The following BBS9 variants were observed in gnomAD, a reference collection of about 807,000 sequenced individuals.
BBS9 encodes Bardet-Biedl syndrome 9, also known as protein PTHB1.
BBS9 carries 89 observed loss-of-function variants against 117.7 expected under a neutral mutation model. The observed-to-expected ratio is 0.76, with a 90% CI of 0.64 to 0.90. The LOEUF (loss-of-function observed/expected upper bound fraction) is 0.90. BBS9 is among the 40% of genes least tolerant of loss of function. The pLI is 0.00. For missense variants in BBS9, 982 were observed against 1,042.2 expected (o/e 0.94, Z 0.80); for synonymous variants, 379 against 370.9 (o/e 1.02, Z -0.25).
chr7:33,314,288 C>T (rs138745841), intron 9 of BBS9: 9 of 420,182 alleles, frequency 2.1e-5, no homozygotes, highest in African/African-American at 1.5e-4. Flanking sequence ...TTTGTTGCCT[C>T]GATCTTCCAC....
intron 21 of BBS9, among the ~76,000 whole-genome samples, chr7:33,614,993 G>C (rs1283438607): frequency 1.3e-5 from 2 of 152,028 alleles, no homozygotes; most frequent in Non-Finnish European, 2.9e-5. Context: ...AGTCAATCCT[G>C]TTTCACTGAA....
At chr7:33,229,694 A>T (rs1263456602) in intron 5 of BBS9, among the ~76,000 whole-genome samples, 1 of 152,104 alleles carries the variant, frequency 6.6e-6, no homozygotes, top group African/African-American at 2.4e-5. Context: ...TATCATGGCT[A>T]TTGTGAATAA....
chr7:33,568,735 A>C lies in BBS9; in HGVS notation c.2521+34559A>C, dbSNP rs1470891435. On this transcript the variant is annotated intron_variant, in intron 21 of 22. Coordinates refer to ENST00000242067, the MANE Select transcript of BBS9 (RefSeq NM_198428.3). Reference sequence around the variant, plus strand: ...CATGTTGAACAGTATATACTGCTAAATGAAAAAGGGAAATACAGAATGGTG... The same window carrying C: ...CATGTTGAACAGTATATACTGCTAACTGAAAAAGGGAAATACAGAATGGTG... Among the ~76,000 whole-genome samples the C allele has an allele frequency of 1.3e-5, 2 of 152,232 alleles. 1 individual carries two copies. Among genetic ancestry groups the C allele is most frequent in the East Asian group, 3.9e-4 (2 of 5,192 alleles).
At chr7:33,184,636 G>A (rs1798566286) in intron 5 of BBS9, among the ~76,000 whole-genome samples, 2 of 152,110 alleles carry the variant, frequency 1.3e-5, no homozygotes, top group South Asian at 4.1e-4. Flanking sequence ...CTTAACCATA[G>A]TCGGCCAATG....
At chr7:33,172,102 C>A (rs573954622) in intron 4 of BBS9, among the ~76,000 whole-genome samples, 1 of 151,990 alleles carries the variant, frequency 6.6e-6, no homozygotes, top group Non-Finnish European at 1.5e-5. Context: ...GCCTCTAGGC[C>A]GGGTGTGGTG....
At chr7:33,330,850 C>G (rs1221814707) in intron 9 of BBS9, among the ~76,000 whole-genome samples, 1 of 152,106 alleles carries the variant, frequency 6.6e-6, no homozygotes, top group Non-Finnish European at 1.5e-5. Context: ...ATTCAGAGAC[C>G]TTGATTTTGT....
chr7:33,288,704 T>C (rs1010992552), intron 9 of BBS9, among the ~76,000 whole-genome samples: 3 of 152,186 alleles, frequency 2.0e-5, no homozygotes, highest in African/African-American at 7.2e-5. Context: ...GAGCATACAT[T>C]TATTGGCTAA....
intron 9 of BBS9, among the ~76,000 whole-genome samples, chr7:33,282,647 A>G (rs1802127451): frequency 6.6e-6 from 1 of 152,220 alleles, no homozygotes; most frequent in Non-Finnish European, 1.5e-5. Context: ...CTGGGATTAT[A>G]GGCGTGAGCC....
chr7:33,203,818 G>A (rs1230021550), intron 5 of BBS9, among the ~76,000 whole-genome samples: 1 of 151,526 alleles, frequency 6.6e-6, no homozygotes, highest in Non-Finnish European at 1.5e-5. Context: ...CGCCTCCCGG[G>A]CTCAAGCAAT....
chr7:33,335,380 A>G lies in BBS9; in HGVS notation c.1017-1061A>G, dbSNP rs1447860035. ...GCCCAATTTATTATTTTTGATTAATATCTAACCTTTAGAACCAAGTAGAAA... is the reference window on the plus strand; with the variant it reads ...GCCCAATTTATTATTTTTGATTAATGTCTAACCTTTAGAACCAAGTAGAAA... On this transcript the variant is annotated intron_variant, in intron 9 of 22. Coordinates refer to ENST00000242067, the MANE Select transcript of BBS9 (RefSeq NM_198428.3). Among the ~76,000 whole-genome samples the G allele has an allele frequency of 2.6e-5, 4 of 152,160 alleles. No homozygotes were observed. The East Asian group carries it at 7.7e-4, about 29-fold the overall frequency.
intron 21 of BBS9, among the ~76,000 whole-genome samples, chr7:33,566,660 T>C (rs767209271): frequency 1.3e-5 from 2 of 152,148 alleles, no homozygotes; most frequent in Non-Finnish European, 2.9e-5. Context: ...ATCAGAATGC[T>C]ACCTTTTTAT....
chr7:33,173,056 C>T (rs1303144452), intron 4 of BBS9, among the ~76,000 whole-genome samples: 1 of 152,062 alleles, frequency 6.6e-6, no homozygotes, highest in Non-Finnish European at 1.5e-5. Context: ...TATTTTAGTT[C>T]AATAGGTGTT....
intron 19 of BBS9, among the ~76,000 whole-genome samples, chr7:33,499,861 G>A (rs1053575356): frequency 2.6e-4 from 39 of 152,048 alleles, no homozygotes; most frequent in Non-Finnish European, 5.1e-4. Context: ...AATAAATGTT[G>A]ACAATTATTA....
intron 5 of BBS9, among the ~76,000 whole-genome samples, chr7:33,241,606 A>G (rs1056911661): frequency 1.5e-4 from 23 of 151,882 alleles, no homozygotes; most frequent in African/African-American, 4.6e-4. Context: ...CTTCACATGT[A>G]TTTTCCATTC....
intron 20 of BBS9, among the ~76,000 whole-genome samples, chr7:33,512,677 T>G (rs1847135986): frequency 6.6e-6 from 1 of 152,224 alleles, no homozygotes. Context: ...GAGATGATTT[T>G]GACCTTTCTG....
At chr7:33,611,391 G>C (rs1361054835) in intron 21 of BBS9, among the ~76,000 whole-genome samples, 1 of 148,584 alleles carries the variant, frequency 6.7e-6, no homozygotes, top group Non-Finnish European at 1.5e-5. Flanking sequence ...ACCACTTTGT[G>C]AAATTTAGGT....
At chr7:33,622,492 G>A (rs1865458278) in intron 21 of BBS9, among the ~76,000 whole-genome samples, 1 of 152,114 alleles carries the variant, frequency 6.6e-6, no homozygotes, top group Non-Finnish European at 1.5e-5. Context: ...TGAAATACTA[G>A]ATATGTTAAT....
chr7:33,462,167 A>T (rs1407252615), intron 19 of BBS9, among the ~76,000 whole-genome samples: 1 of 152,070 alleles, frequency 6.6e-6, no homozygotes, highest in East Asian at 1.9e-4. Context: ...TATTGGGATA[A>T]TACTTGTTCC....
chr7:33,490,486 T>C (rs1028166314), intron 19 of BBS9, among the ~76,000 whole-genome samples: 2 of 152,232 alleles, frequency 1.3e-5, no homozygotes, highest in South Asian at 2.1e-4. Context: ...ATATCAACTA[T>C]CTTTTGGCTA....
Sources: allele counts gnomAD v4.1 joint callset (sites outside exome capture counted in the v4.1 genomes callset), GRCh38; gene constraint gnomAD v4.1.1; transcripts MANE v1.5; gene names NCBI Gene and HGNC (gene_info 2026-07-23, HGNC 2026-07-21).